The following ALMS1 variants were observed in gnomAD, a reference collection of about 807,000 sequenced individuals.
ALMS1 encodes the protein centrosome-associated protein ALMS1.
In ALMS1, 271 loss-of-function variants were observed where a neutral mutation model predicts 352.2. That is an observed-to-expected ratio of 0.77 (90% CI 0.70 to 0.85). ALMS1 has a LOEUF of 0.85. ALMS1 is among the 40% of genes least tolerant of loss of function. The pLI is 0.00. For missense variants in ALMS1, 5,445 were observed against 4,870.7 expected (o/e 1.12, Z -3.51); for synonymous variants, 1,865 against 1,761.2 (o/e 1.06, Z -1.48).
At chr2:73,547,223 A>G (rs1381692425) in intron 12 of ALMS1, among the ~76,000 whole-genome samples, 1 of 152,174 alleles carries the variant, frequency 6.6e-6, no homozygotes, top group Non-Finnish European at 1.5e-5. Flanking sequence ...CATTAAATAC[A>G]TTTTTGACTA....
chr2:73,385,922 G>GGAA lies in ALMS1; in HGVS notation c.56_57insAGA (p.Glu28dup). ...GCGAGCTGGAGGAGGAGGAGGAGGA[G>GGAA]GAGGAGGAGGAGGAGGAGGAAGAGG... On this transcript the variant is annotated inframe_insertion, in exon 1 of 23. Transcript: ENST00000613296. The GGAA allele has an allele frequency of 2.1e-6, 2 of 959,184 alleles. No homozygotes were observed. The highest frequency in any genetic ancestry group is 2.9e-5 in the South Asian group (2 of 69,602). 59.4% of individuals were successfully genotyped at this position (959,184 alleles called of 1,614,324 possible).
At chr2:73,428,759 T>G (rs1400858260) in intron 6 of ALMS1, among the ~76,000 whole-genome samples, 1 of 152,186 alleles carries the variant, frequency 6.6e-6, no homozygotes, top group Non-Finnish European at 1.5e-5. Context: ...CTAGGAGTTA[T>G]TTAATGTCAA....
chr2:73,558,866 T>A, intron 14 of ALMS1, 106 bp from the exon 15 acceptor site: 2 of 1,245,048 alleles, frequency 1.6e-6, no homozygotes, highest in Admixed American at 4.9e-5. Flanking sequence ...TCTTTTTTCT[T>A]CAATATCAGT....
At chr2:73,402,362 C>T (rs1362660370) in intron 1 of ALMS1, among the ~76,000 whole-genome samples, 1 of 150,386 alleles carries the variant, frequency 6.6e-6, no homozygotes. Context: ...CAACCTCCGC[C>T]TCCCGAGTTC....
chr2:73,450,988 A>T lies in ALMS1; in HGVS notation c.4461A>T (p.Lys1487Asn). 6.2e-7 allele frequency: 1 copy of T among 1,613,734 alleles called. No individual in the cohort carries two copies. The highest frequency in any genetic ancestry group is 8.5e-7 in the Non-Finnish European group (1 of 1,179,898). Residue 1487 changes from lysine (K) to asparagine (N), a missense_variant, in exon 8 of 23, where the codon AAA becomes AAT. Physicochemically the swap from Lys to Asn is moderately conservative, Grantham distance 94. Transcript: ENST00000613296. Reference protein sequence around the residue: ...SFGEKPIVIYKQAFPEGHLPE... With the variant: ...SFGEKPIVIYNQAFPEGHLPE... ...GAGAGAAGCCCATTGTTATCTACAA[A>T]CAGGCCTTTCCAGAGGGTCATCTAC...
intron 11 of ALMS1, 137 bp from the exon 12 acceptor site, chr2:73,534,687 A>G: frequency 2.5e-6 from 2 of 811,614 alleles, no homozygotes; most frequent in Admixed American, 2.4e-5. Flanking sequence ...TCTTGAAGGC[A>G]GAGATACATT....
intron 10 of ALMS1, among the ~76,000 whole-genome samples, chr2:73,503,680 T>C (rs1673263150): frequency 6.6e-6 from 1 of 152,182 alleles, no homozygotes; most frequent in African/African-American, 2.4e-5. Flanking sequence ...CCACACTGAC[T>C]TCCACAATGG....
In ALMS1 at chr2:73,425,752, A is replaced by G. The variant is rs370593125; in HGVS notation, c.1238-701A>G. 6.6e-5 allele frequency among the ~76,000 whole-genome samples: 10 copies of G among 152,326 alleles called. No homozygotes were observed. In the East Asian group the frequency reaches 1.7e-3, roughly 26 times the overall value. ...TGAAACCTCTTTATTTGATAGGCTTAAACATCCATGCTATCAGTCTACTCC... is the reference window on the plus strand; with the variant it reads ...TGAAACCTCTTTATTTGATAGGCTTGAACATCCATGCTATCAGTCTACTCC... On this transcript the variant is annotated intron_variant, in intron 5 of 22. Coordinates refer to ENST00000613296, the MANE Select transcript of ALMS1 (RefSeq NM_001378454.1).
At chr2:73,554,249 A>C (rs1009426614) in intron 13 of ALMS1, among the ~76,000 whole-genome samples, 4 of 152,062 alleles carry the variant, frequency 2.6e-5, no homozygotes, top group Non-Finnish European at 4.4e-5. Context: ...AAAAAATTAA[A>C]GGTAGATACA....
Position 73,408,834 on chromosome 2 carries a change from T to G in ALMS1, c.450+87T>G. On this transcript the variant is annotated intron_variant, in intron 2 of 22. Coordinates refer to ENST00000613296, the MANE Select transcript of ALMS1 (RefSeq NM_001378454.1). ...TAGCTATGAAGAATGGAAAAATAAA[T>G]TAATATTCATTAATATTATGTTTTC... The G allele has an allele frequency of 2.8e-6, 3 of 1,064,980 alleles. No individual in the cohort carries two copies. In the East Asian group the frequency reaches 9.4e-5, roughly 33 times the overall value. The allele number at this position is 1,064,980 out of a possible 1,614,324, so 66.0% of individuals were successfully genotyped here.
intron 19 of ALMS1, 50 bp from the exon 20 acceptor site, chr2:73,602,135 T>C (rs1307287106): frequency 3.8e-6 from 6 of 1,559,264 alleles, no homozygotes; most frequent in East Asian, 4.6e-5. Flanking sequence ...GGAGAGTAGA[T>C]TGCATCATTA....
chr2:73,579,748 A>G (rs1209997243), intron 16 of ALMS1, among the ~76,000 whole-genome samples: 1 of 152,162 alleles, frequency 6.6e-6, no homozygotes, highest in Non-Finnish European at 1.5e-5. Flanking sequence ...GAAATTAGCA[A>G]TTAATTTTAC....
intron 7 of ALMS1, among the ~76,000 whole-genome samples, chr2:73,447,132 A>C (rs1186577396): frequency 6.6e-6 from 1 of 152,174 alleles, no homozygotes; most frequent in Non-Finnish European, 1.5e-5. Flanking sequence ...CAATGAATGA[A>C]GGGACAGCTT....
Position 73,451,485 on chromosome 2 carries a change from A to G in ALMS1, c.4958A>G (p.Gln1653Arg), listed in dbSNP as rs376835121. ...TCAGCTGCTCCTGGACCAGCTGACC[A>G]GAAGACTGAGACATTACCAGTACAT... Reference protein sequence around the residue: ...KVSAAPGPADQKTETLPVHST... With the variant: ...KVSAAPGPADRKTETLPVHST... The change falls in exon 8 of 23, where the codon CAG (glutamine) becomes CGG (arginine). Residue 1653 changes from glutamine (Q) to arginine (R), a missense_variant. Coordinates refer to ENST00000613296, the MANE Select transcript of ALMS1 (RefSeq NM_001378454.1). The G allele has an allele frequency of 1.2e-6, 2 of 1,614,006 alleles. No homozygotes were observed. Among genetic ancestry groups the G allele is most frequent in the Non-Finnish European group, 1.7e-6 (2 of 1,180,002 alleles).
chr2:73,540,479 A>C (rs1190522862), intron 12 of ALMS1, among the ~76,000 whole-genome samples: 5 of 152,220 alleles, frequency 3.3e-5, no homozygotes, highest in Admixed American at 6.5e-5. Context: ...CGAGCAAAAT[A>C]ACCAGCTAAC....
rs1217507627 is a variant in ALMS1, at chr2:73,453,976, G to GA, written c.7454dup (p.Asn2485LysfsTer6). On this transcript the variant is annotated frameshift_variant, in exon 8 of 23. Transcript: ENST00000613296. LOFTEE classifies it high-confidence loss of function. ...GTGTAGATTCACTGGCTGCACATGT[G>GA]AAAAACCTTCTGCAATGTGAATCCT... 3 of 1,613,492 alleles carry GA rather than the reference G, an allele frequency of 1.9e-6. No homozygotes were observed. In the South Asian group the frequency reaches 3.3e-5, roughly 18 times the overall value.
rs752902461 is a variant in ALMS1 at position 73,451,247 on chromosome 2, G to A, written c.4720G>A (p.Gly1574Arg). Residue 1574 changes from glycine to arginine, a missense_variant, in exon 8 of 23, where the codon GGA becomes AGA. Transcript: ENST00000613296. ...PTITSTSYSF[G>R]EKPIVNYKQA... ...CATAACCTCTACTTCCTACTCATTT[G>A]GAGAGAAGCCGATTGTTAACTACAA... The A allele has an allele frequency of 2.5e-6, 4 of 1,612,736 alleles. No homozygotes were observed. Among genetic ancestry groups the A allele is most frequent in the Non-Finnish European group, 3.4e-6 (4 of 1,179,596 alleles).
intron 10 of ALMS1, among the ~76,000 whole-genome samples, chr2:73,500,662 G>GACT (rs1197783821): frequency 6.6e-6 from 1 of 152,158 alleles, no homozygotes; most frequent in African/African-American, 2.4e-5. Flanking sequence ...GCCTGAACTA[G>GACT]AAGGCTTCGC....
chr2:73,470,897 C>T (rs775413227), intron 9 of ALMS1: 2 of 151,752 alleles, frequency 1.3e-5, no homozygotes, highest in Non-Finnish European at 3.0e-5. Flanking sequence ...TCTATATCGT[C>T]TGATAGTGTG....
Sources: allele counts gnomAD v4.1 joint callset (sites outside exome capture counted in the v4.1 genomes callset), GRCh38; gene constraint gnomAD v4.1.1; transcripts MANE v1.5; gene names NCBI Gene and HGNC (gene_info 2026-07-23, HGNC 2026-07-21).